The following MAGI1 variants were observed in gnomAD, a reference collection of about 807,000 sequenced individuals.
MAGI1 encodes membrane associated guanylate kinase, WW and PDZ domain containing 1.
A neutral mutation model predicts 139.9 loss-of-function variants in MAGI1; 58 were observed. The observed-to-expected ratio is 0.41, with a 90% CI of 0.34 to 0.52. The LOEUF (loss-of-function observed/expected upper bound fraction) is 0.52. MAGI1 is among the 20% of genes least tolerant of loss of function. MAGI1 has a pLI of 0.12. For synonymous variants in MAGI1, 812 were observed against 737.9 expected (o/e 1.10, Z -1.63); for missense variants, 1,874 against 1,901.6 (o/e 0.99, Z 0.27).
chr3:65,478,707 A>G lies in MAGI1; in HGVS notation c.642T>C (p.Ser214=). 4.3e-6 allele frequency: 7 copies of G among 1,614,136 alleles called. No individual in the cohort carries two copies. The highest frequency in any genetic ancestry group is 2.2e-5 in the East Asian group (1 of 44,874). The change falls in exon 4 of 23, where the codon TCT becomes TCC. Residue 214 remains serine, a synonymous_variant. Coordinates refer to ENST00000402939, the MANE Select transcript of MAGI1 (RefSeq NM_001033057.2). The part of the protein sequence containing the change: ...TDALHSLQSG[S]KQSTPKRTKS... ...TGGTTCGCTTCGGGGTCGACTGCTT[A>G]GAGCCAGACTGAAGGCTGTGCAAGG...
chr3:65,919,086 G>A (rs143138190), intron 1 of MAGI1, among the ~76,000 whole-genome samples: 110 of 152,348 alleles, frequency 7.2e-4, no homozygotes, highest in African/African-American at 2.4e-3. Context: ...TGTGAAGACT[G>A]AAGACTATCA....
intron 2 of MAGI1, among the ~76,000 whole-genome samples, chr3:65,598,489 C>T (rs1186774115): frequency 1.3e-5 from 2 of 152,160 alleles, no homozygotes; most frequent in Non-Finnish European, 2.9e-5. Flanking sequence ...TGCCTTTCTG[C>T]CTCTTCCCCA....
intron 1 of MAGI1, among the ~76,000 whole-genome samples, chr3:65,627,569 G>A (rs748507549): frequency 2.2e-4 from 26 of 118,442 alleles, no homozygotes; most frequent in African/African-American, 6.4e-4. Flanking sequence ...GTTCAGTGAC[G>A]CGATCTTGGC....
intron 1 of MAGI1, among the ~76,000 whole-genome samples, chr3:65,646,693 A>G (rs1014035728): frequency 1.3e-5 from 2 of 152,188 alleles, no homozygotes; most frequent in Admixed American, 6.5e-5. Context: ...GAAAGTATAC[A>G]GAATGTGTTC....
intron 2 of MAGI1, among the ~76,000 whole-genome samples, chr3:65,521,495 G>A (rs756698778): frequency 6.6e-6 from 1 of 152,142 alleles, no homozygotes; most frequent in South Asian, 2.1e-4. Flanking sequence ...ATGCCAACAT[G>A]CCATTAGTTT....
chr3:65,678,919 G>A (rs1359000520), intron 1 of MAGI1, among the ~76,000 whole-genome samples: 2 of 152,004 alleles, frequency 1.3e-5, no homozygotes, highest in African/African-American at 2.4e-5. Context: ...TTTTCTATCC[G>A]CATTGACACC....
intron 1 of MAGI1, among the ~76,000 whole-genome samples, chr3:66,036,029 T>C (rs555626242): frequency 6.6e-6 from 1 of 152,276 alleles, no homozygotes; most frequent in South Asian, 2.1e-4. Context: ...GTTGGGCAGG[T>C]ACCCTTGCCT....
At chr3:65,508,258 G>A (rs2077388195) in intron 2 of MAGI1, among the ~76,000 whole-genome samples, 1 of 152,036 alleles carries the variant, frequency 6.6e-6, no homozygotes, top group South Asian at 2.1e-4. Context: ...GAAAAAGTTA[G>A]CCGGGCGTGG....
chr3:65,437,299 G>T lies in MAGI1; in HGVS notation c.1271-52C>A, dbSNP rs1346666143. 3.5e-6 allele frequency: 4 copies of T among 1,153,820 alleles called. No individual in the cohort carries two copies. In the East Asian group the frequency reaches 7.1e-5, roughly 20 times the overall value. 71.5% of individuals were successfully genotyped at this position (1,153,820 alleles called of 1,614,324 possible). On this transcript the variant is annotated intron_variant, in intron 9 of 22. Transcript: ENST00000402939. Reference sequence around the variant, plus strand: ...ATTTTTCCTTCAAATGGCTCATTGAGTTACTTATGATTCACCTTATTATTA... The same window carrying T: ...ATTTTTCCTTCAAATGGCTCATTGATTTACTTATGATTCACCTTATTATTA...
chr3:65,938,588 CTG>C (rs2063169970), intron 1 of MAGI1, among the ~76,000 whole-genome samples: 1 of 151,922 alleles, frequency 6.6e-6, no homozygotes, highest in East Asian at 1.9e-4. Flanking sequence ...CTTTTCCGCA[CTG>C]AGACAGGACA....
chr3:65,704,467 T>C (rs1183064425), intron 1 of MAGI1, among the ~76,000 whole-genome samples: 4 of 152,216 alleles, frequency 2.6e-5, no homozygotes, highest in African/African-American at 9.6e-5. Context: ...ACGGGGTTTC[T>C]AGACATTACC....
chr3:65,853,264 T>C (rs914375847), intron 1 of MAGI1, among the ~76,000 whole-genome samples: 1 of 152,226 alleles, frequency 6.6e-6, no homozygotes, highest in Non-Finnish European at 1.5e-5. Flanking sequence ...AGTCTTCAGA[T>C]TAATGATAGC....
At chr3:65,548,620 T>C (rs1185835081) in intron 2 of MAGI1, among the ~76,000 whole-genome samples, 2 of 149,576 alleles carry the variant, frequency 1.3e-5, no homozygotes, top group African/African-American at 2.5e-5. Context: ...CCTCCCAGGT[T>C]CAAGCTATTC....
At chr3:65,977,692 T>TA (rs2065336967) in intron 1 of MAGI1, among the ~76,000 whole-genome samples, 1 of 151,410 alleles carries the variant, frequency 6.6e-6, no homozygotes, top group African/African-American at 2.4e-5. Flanking sequence ...GCCTGGATGA[T>TA]AGAGTGAGAC....
chr3:65,719,008 T>C (rs1309035664), intron 1 of MAGI1, among the ~76,000 whole-genome samples: 1 of 77,712 alleles, frequency 1.3e-5, no homozygotes, highest in Admixed American at 1.8e-4. Context: ...CAGTAGCACA[T>C]AACCCTACCA....
intron 1 of MAGI1, among the ~76,000 whole-genome samples, chr3:65,884,655 G>T (rs1166037623): frequency 6.6e-6 from 1 of 151,744 alleles, no homozygotes; most frequent in Non-Finnish European, 1.5e-5. Flanking sequence ...TGGGTATATT[G>T]CATGATGCTG....
chr3:65,785,105 AT>A (rs2039277478), intron 1 of MAGI1, among the ~76,000 whole-genome samples: 1 of 152,244 alleles, frequency 6.6e-6, no homozygotes, highest in Non-Finnish European at 1.5e-5. Context: ...AATAAATTGT[AT>A]GACATATTAG....
chr3:65,561,276 G>A (rs1301042778), intron 2 of MAGI1, among the ~76,000 whole-genome samples: 1 of 152,132 alleles, frequency 6.6e-6, no homozygotes, highest in Non-Finnish European at 1.5e-5. Context: ...AGTATTTTGA[G>A]AGCTTTTGTT....
chr3:65,497,083 G>A (rs7615200), intron 2 of MAGI1, among the ~76,000 whole-genome samples: 57,414 of 151,862 alleles, frequency 0.38, 11,260 homozygotes, highest in Middle Eastern at 0.44. Context: ...AGACACCTAC[G>A]AGCAGAGAGT....
Sources: allele counts gnomAD v4.1 joint callset (sites outside exome capture counted in the v4.1 genomes callset), GRCh38; gene constraint gnomAD v4.1.1; transcripts MANE v1.5; gene names NCBI Gene and HGNC (gene_info 2026-07-23, HGNC 2026-07-21).